The following METTL15 variants were observed in gnomAD, a reference collection of about 807,000 sequenced individuals.
The protein encoded by METTL15 is 12S rRNA N(4)-cytidine methyltransferase METTL15.
Under a neutral mutation model 38.3 loss-of-function variants are expected in METTL15, and 34 were observed. That is an observed-to-expected ratio of 0.89 (90% CI 0.68 to 1.18). METTL15 has a LOEUF of 1.18. Among genes scored for constraint, METTL15 ranks in the 50% most tolerant of loss-of-function variants. METTL15 has a pLI of 0.00. For synonymous variants in METTL15, 162 were observed against 170.9 expected (o/e 0.95, Z 0.41); for missense variants, 438 against 498.4 (o/e 0.88, Z 1.15).
intron 4 of METTL15, among the ~76,000 whole-genome samples, chr11:28,267,744 A>G (rs1014672436): frequency 6.6e-6 from 1 of 152,208 alleles, no homozygotes; most frequent in Non-Finnish European, 1.5e-5. Context: ...GCTGAAGTCA[A>G]TATCTGGTAA....
At chr11:28,372,928 G>A (rs1850261583) in intron 5 of METTL15, among the ~76,000 whole-genome samples, 1 of 150,504 alleles carries the variant, frequency 6.6e-6, no homozygotes, top group Admixed American at 6.6e-5. Flanking sequence ...TTTCATCCAT[G>A]TCCCTACAAA....
rs145205912 is a variant in METTL15, at chr11:28,120,389, T to A, written c.270+6785T>A. Among the ~76,000 whole-genome samples the A allele has an allele frequency of 7.1e-3, 1,083 of 152,200 alleles. 5 individuals carry two copies. The highest frequency in any genetic ancestry group is 0.015 in the Admixed American group (224 of 15,276). On this transcript the variant is annotated intron_variant, in intron 3 of 6. Transcript: ENST00000407364. The stretch of plus-strand genomic sequence containing the variant: ...TTTTATTTTACATTGCATTCTTCCT[T>A]TGTTTGGAGAATGTTCTAAAAAATG...
intron 3 of METTL15, among the ~76,000 whole-genome samples, chr11:28,209,541 T>G (rs1852531477): frequency 6.6e-6 from 1 of 152,092 alleles, no homozygotes; most frequent in Non-Finnish European, 1.5e-5. Context: ...AAGTACAAAG[T>G]TAAGTCACAC....
intron 4 of METTL15, among the ~76,000 whole-genome samples, chr11:28,236,225 A>T (rs1853961897): frequency 6.6e-6 from 1 of 151,880 alleles, no homozygotes; most frequent in Admixed American, 6.6e-5. Context: ...TTTATTGAGG[A>T]TTTTTGCATC....
chr11:28,209,769 C>T (rs770515576), intron 3 of METTL15, among the ~76,000 whole-genome samples: 1 of 151,936 alleles, frequency 6.6e-6, no homozygotes, highest in Non-Finnish European at 1.5e-5. Context: ...AATTTCTGAC[C>T]ACTGTCCCTG....
At chr11:28,287,428 C>T in intron 4 of METTL15, 1 of 417,986 alleles carries the variant, frequency 2.4e-6, no homozygotes, top group Non-Finnish European at 4.7e-6. Context: ...GTTTAGCCTG[C>T]CTGTGAGGTT....
intron 4 of METTL15, among the ~76,000 whole-genome samples, chr11:28,215,855 G>C (rs879674259): frequency 6.6e-6 from 1 of 152,090 alleles, no homozygotes; most frequent in Admixed American, 6.5e-5. Context: ...GCAACATAGT[G>C]AGACACCGTT....
chr11:28,370,430 C>T (rs2133374730), intron 5 of METTL15, among the ~76,000 whole-genome samples: 1 of 152,032 alleles, frequency 6.6e-6, no homozygotes, highest in African/African-American at 2.4e-5. Context: ...ATGATGTCTA[C>T]ATATCATATT....
intron 5 of METTL15, among the ~76,000 whole-genome samples, chr11:28,377,556 T>G (rs1297856245): frequency 6.6e-6 from 1 of 151,484 alleles, no homozygotes; most frequent in African/African-American, 2.4e-5. Context: ...AGTTATACAT[T>G]CTTCTAAATT....
chr11:28,224,657 G>A (rs1455803109), intron 4 of METTL15, among the ~76,000 whole-genome samples: 1 of 151,390 alleles, frequency 6.6e-6, no homozygotes, highest in African/African-American at 2.4e-5. Flanking sequence ...TTGGTTGTAG[G>A]GTATTTTTAT....
At chr11:28,236,891 G>A (rs1317004077) in intron 4 of METTL15, among the ~76,000 whole-genome samples, 1 of 152,106 alleles carries the variant, frequency 6.6e-6, no homozygotes, top group South Asian at 2.1e-4. Flanking sequence ...GAAATTCTGG[G>A]TTGAAAATTC....
intron 4 of METTL15, among the ~76,000 whole-genome samples, chr11:28,286,605 TA>T (rs1476868659): frequency 6.6e-6 from 1 of 151,974 alleles, no homozygotes; most frequent in Non-Finnish European, 1.5e-5. Flanking sequence ...AGTGATAAAA[TA>T]GCTATCAAGT....
At chr11:28,394,879 A>G (rs1341168617) in intron 5 of METTL15, among the ~76,000 whole-genome samples, 4 of 152,076 alleles carry the variant, frequency 2.6e-5, no homozygotes, top group Non-Finnish European at 4.4e-5. Flanking sequence ...TGTCTGATAC[A>G]TAATAGATAC....
At chr11:28,161,716 T>A (rs1850472404) in intron 3 of METTL15, among the ~76,000 whole-genome samples, 1 of 150,566 alleles carries the variant, frequency 6.6e-6, no homozygotes, top group South Asian at 2.2e-4. Context: ...ACTTGTATTT[T>A]GAAACTTTAC....
intron 6 of METTL15, among the ~76,000 whole-genome samples, chr11:28,429,573 G>A (rs1342516235): frequency 2.3e-4 from 21 of 89,704 alleles, no homozygotes; most frequent in Non-Finnish European, 3.9e-4. Flanking sequence ...TGGCCGGGCC[G>A]GTCTCCAGCC....
At chr11:28,201,379 G>A (rs1405894240) in intron 3 of METTL15, among the ~76,000 whole-genome samples, 2 of 152,122 alleles carry the variant, frequency 1.3e-5, no homozygotes, top group Non-Finnish European at 2.9e-5. Flanking sequence ...TTGATATCAG[G>A]ATGATGCTGG....
At chr11:28,130,148 A>C (rs539047348) in intron 3 of METTL15, among the ~76,000 whole-genome samples, 2 of 152,186 alleles carry the variant, frequency 1.3e-5, no homozygotes, top group East Asian at 3.9e-4. Context: ...CCATCTCTAC[A>C]AAACAAAAAA....
intron 4 of METTL15, among the ~76,000 whole-genome samples, chr11:28,267,257 C>A (rs1426844560): frequency 6.6e-6 from 1 of 151,308 alleles, no homozygotes; most frequent in Non-Finnish European, 1.5e-5. Flanking sequence ...CCCTTGTTCA[C>A]TTTGGTCGCT....
At chr11:28,278,126 G>A (rs955418465) in intron 4 of METTL15, among the ~76,000 whole-genome samples, 7 of 152,048 alleles carry the variant, frequency 4.6e-5, no homozygotes, top group Non-Finnish European at 8.8e-5. Flanking sequence ...ACCCAGAAAA[G>A]CCCTATGGGT....
Sources: gnomAD v4.1 joint callset for allele counts (sites outside exome capture counted in the v4.1 genomes callset) on GRCh38, gnomAD v4.1.1 for gene constraint, MANE v1.5 for transcripts, NCBI Gene and HGNC (gene_info 2026-07-23, HGNC 2026-07-21) for gene names.